The following RBPJ variants were observed in gnomAD, a reference collection of about 807,000 sequenced individuals.
The protein encoded by RBPJ is recombining binding protein suppressor of hairless.
In RBPJ, 9 loss-of-function variants were observed where a neutral mutation model predicts 67.8. The ratio of observed to expected loss-of-function variants is 0.13; its 90% CI spans 0.08 to 0.23. The LOEUF (loss-of-function observed/expected upper bound fraction) is 0.23, where lower values mean the gene tolerates loss of function less well. Among genes scored for constraint, RBPJ ranks in the 10% least tolerant of loss-of-function variants. The pLI, the probability that RBPJ is intolerant of heterozygous loss-of-function variation, is 1.00. For missense variants in RBPJ, 305 were observed against 595.6 expected, an observed-to-expected ratio of 0.51 and a Z score of 5.08; for synonymous variants, 198 against 203.3, an observed-to-expected ratio of 0.97 and a Z score of 0.22.
chr4:26,323,564 A>G (rs1291272767), intron 1 of RBPJ, among the ~76,000 whole-genome samples: 1 of 152,196 alleles, frequency 6.6e-6, no homozygotes, highest in Non-Finnish European at 1.5e-5. Context: ...TTATCCATGC[A>G]TATTGCTGAT....
upstream of RBPJ, among the ~76,000 whole-genome samples, chr4:26,316,488 CAT>C (rs1281230007): frequency 0.014 from 1,272 of 87,840 alleles, 5 homozygotes; most frequent in African/African-American, 0.033. Context: ...TATACATATT[CAT>C]ATATATATTC....
chr4:26,370,866 A>T (rs1729086995), intron 1 of RBPJ, among the ~76,000 whole-genome samples: 1 of 152,040 alleles, frequency 6.6e-6, no homozygotes, highest in Admixed American at 6.6e-5. Flanking sequence ...AGATCACGAG[A>T]TAAGGAGATC....
Position 26,430,285 on chromosome 4 carries a change from T to C in RBPJ, c.1045-134T>C, listed in dbSNP as rs1736085067. ...TATGTTATCTTGAAATGTTTTTAGC[T>C]AGCTTTGTAATAAAAAACATTTTAA... On this transcript the variant is annotated intron_variant, in intron 9 of 10. Coordinates refer to ENST00000355476, the MANE Select transcript of RBPJ (RefSeq NM_015874.6). This position sits in a 1 kb window ranked among gnomAD's most constrained non-coding sequence, Gnocchi z 4.1. The C allele has an allele frequency of 1.6e-5, 14 of 873,730 alleles. No homozygotes were observed. Among genetic ancestry groups the C allele is most frequent in the Non-Finnish European group, 2.5e-5 (14 of 555,232 alleles). 54.1% of individuals were successfully genotyped at this position (873,730 alleles called of 1,614,324 possible).
intron 3 of RBPJ, among the ~76,000 whole-genome samples, chr4:26,408,567 C>G (rs745368073): frequency 6.6e-6 from 1 of 152,068 alleles, no homozygotes; most frequent in Non-Finnish European, 1.5e-5. Context: ...CATAGTGAAT[C>G]CGAGGTAGAA....
chr4:26,257,328 C>G (rs560881638), intron 1 of RBPJ, among the ~76,000 whole-genome samples: 37 of 152,276 alleles, frequency 2.4e-4, no homozygotes, highest in African/African-American at 7.9e-4. Flanking sequence ...GGCGAAGAAA[C>G]AGTCATAAAC....
intron 1 of RBPJ, among the ~76,000 whole-genome samples, chr4:26,195,796 A>T (rs1304782421): frequency 6.6e-6 from 1 of 152,090 alleles, no homozygotes; most frequent in Non-Finnish European, 1.5e-5. Context: ...AGGTTTCACC[A>T]TGTTGGTCAG....
At chr4:26,211,915 G>C (rs999061611) in intron 1 of RBPJ, among the ~76,000 whole-genome samples, 2 of 152,090 alleles carry the variant, frequency 1.3e-5, no homozygotes, top group Non-Finnish European at 2.9e-5. Context: ...GAAAAATTTG[G>C]ACACAGAGCG....
intron 1 of RBPJ, among the ~76,000 whole-genome samples, chr4:26,313,003 G>T (rs1275114087): frequency 6.6e-6 from 1 of 152,144 alleles, no homozygotes; most frequent in African/African-American, 2.4e-5. Context: ...GCTCATTGCA[G>T]CCTCAACTTC....
intron 1 of RBPJ, among the ~76,000 whole-genome samples, chr4:26,294,817 A>G (rs533282711): frequency 1.3e-5 from 2 of 151,894 alleles, no homozygotes; most frequent in African/African-American, 4.8e-5. Flanking sequence ...TGAAGGTTGC[A>G]GTGAGCTGAG....
chr4:26,232,122 C>G (rs1455768734), intron 1 of RBPJ, among the ~76,000 whole-genome samples: 1 of 151,896 alleles, frequency 6.6e-6, no homozygotes, highest in Non-Finnish European at 1.5e-5. Flanking sequence ...TCTCAAACTT[C>G]TGATCTCAAA....
Position 26,254,798 on chromosome 4 carries a change from C to A in RBPJ, c.-167+91184C>A, listed in dbSNP as rs1023584262. Reference sequence around the variant, plus strand: ...GTTCAAGCAATTCTCATTCCTTTGCCTCCAGAGGAGCTGGGACTACAGGTG... The same window carrying A: ...GTTCAAGCAATTCTCATTCCTTTGCATCCAGAGGAGCTGGGACTACAGGTG... On this transcript the variant is annotated intron_variant, in intron 1 of 4. Transcript: ENST00000512351. Among the ~76,000 whole-genome samples the A allele has an allele frequency of 4.6e-4, 65 of 140,178 alleles. 2 individuals carry two copies. The highest frequency in any genetic ancestry group is 6.4e-4 in the Non-Finnish European group (43 of 67,094). The allele number at this position is 140,178 out of a possible 152,430, so 92.0% of individuals were successfully genotyped here. A position where few individuals can be genotyped will look rare whatever the true frequency, so the allele number is the denominator to read the frequency against.
chr4:26,180,332 TAAAA>T (rs11344714), intron 1 of RBPJ, among the ~76,000 whole-genome samples: 1 of 146,752 alleles, frequency 6.8e-6, no homozygotes, highest in Non-Finnish European at 1.5e-5. Flanking sequence ...AAATAAAGGT[TAAAA>T]AAAAAAAAAA....
intron 1 of RBPJ, among the ~76,000 whole-genome samples, chr4:26,279,456 T>A (rs1223082208): frequency 6.6e-6 from 1 of 152,158 alleles, no homozygotes; most frequent in Non-Finnish European, 1.5e-5. Context: ...AATTTTTGTA[T>A]TTTTAGAGAC....
At chr4:26,181,933 T>C (rs1257805855) in intron 1 of RBPJ, among the ~76,000 whole-genome samples, 1 of 152,248 alleles carries the variant, frequency 6.6e-6, no homozygotes, top group Non-Finnish European at 1.5e-5. Flanking sequence ...CTGCAGACTT[T>C]GTAAACACTC....
chr4:26,252,799 T>C (rs980449467), intron 1 of RBPJ, among the ~76,000 whole-genome samples: 1 of 152,144 alleles, frequency 6.6e-6, no homozygotes, highest in Non-Finnish European at 1.5e-5. Context: ...AATCAGCTTT[T>C]GGATTCGAGT....
At chr4:26,386,282 C>A in intron 1 of RBPJ, 71 bp from the exon 2 acceptor site, 2 of 1,015,566 alleles carry the variant, frequency 2.0e-6, no homozygotes, top group Non-Finnish European at 3.0e-6. Context: ...TTTTATGATG[C>A]CTGAAAAGCT....
At chr4:26,214,319 G>A (rs1198313987) in intron 1 of RBPJ, among the ~76,000 whole-genome samples, 3 of 145,072 alleles carry the variant, frequency 2.1e-5, no homozygotes, top group African/African-American at 7.7e-5. Context: ...CAGAGAAGGA[G>A]GGAGGGAGGG....
At chr4:26,120,053 T>C in the RBPJ span, among the ~76,000 whole-genome samples, 72,450 of 152,060 alleles carry the variant, frequency 0.48, 18,701 homozygotes, top group African/African-American at 0.63. Context: ...ATTTGAAAGA[T>C]GCTAAGAAGC....
rs766947899 is a variant in RBPJ at position 26,406,322 on chromosome 4, C to T, written c.155+52C>T. ...TAATTGTAGTTACCACATGAATTTGCCAATTATGTATTAATATACATGTCA... is the reference window on the plus strand; with the variant it reads ...TAATTGTAGTTACCACATGAATTTGTCAATTATGTATTAATATACATGTCA... On this transcript the variant is annotated intron_variant, in intron 3 of 10. Transcript: ENST00000355476. 1.5e-5 allele frequency: 18 copies of T among 1,161,942 alleles called. No homozygotes were observed. The South Asian group carries it at 2.2e-4, about 14-fold the overall frequency. 72.0% of individuals were successfully genotyped at this position (1,161,942 alleles called of 1,614,324 possible). A position where few individuals can be genotyped will look rare whatever the true frequency, so the allele number is the denominator to read the frequency against.
Sources: allele counts gnomAD v4.1 joint callset (sites outside exome capture counted in the v4.1 genomes callset), GRCh38; gene constraint gnomAD v4.1.1; non-coding constraint Gnocchi (gnomAD v3.1); transcripts MANE v1.5; gene names NCBI Gene and HGNC (gene_info 2026-07-23, HGNC 2026-07-21).